RAI14: variants seen among roughly 807,000 people sequenced by gnomAD.
The protein encoded by RAI14 is retinoic acid induced 14.
In RAI14, 45 loss-of-function variants were observed where a neutral mutation model predicts 115.4. The observed-to-expected ratio is 0.39, with a 90% CI of 0.31 to 0.50. The LOEUF is 0.50. Among genes scored for constraint, RAI14 ranks in the 20% least tolerant of loss-of-function variants. RAI14 has a pLI of 0.85. For missense variants in RAI14, 939 were observed against 1,131.2 expected (o/e 0.83, Z 2.44); for synonymous variants, 371 against 415.4 (o/e 0.89, Z 1.30).
chr5:34,677,849 A>G (rs1227839585), intron 1 of RAI14, among the ~76,000 whole-genome samples: 1 of 152,196 alleles, frequency 6.6e-6, no homozygotes, highest in East Asian at 1.9e-4. Context: ...TGAAAAAGTA[A>G]TCGTGGTTTT....
At chr5:34,705,839 G>T (rs1740642642) in intron 2 of RAI14, among the ~76,000 whole-genome samples, 1 of 152,142 alleles carries the variant, frequency 6.6e-6, no homozygotes, top group Admixed American at 6.5e-5. Flanking sequence ...TAGAGATGGG[G>T]TTTCTCCATG....
At chr5:34,697,084 T>C (rs1739340327) in intron 2 of RAI14, among the ~76,000 whole-genome samples, 1 of 151,784 alleles carries the variant, frequency 6.6e-6, no homozygotes, top group African/African-American at 2.4e-5. Context: ...TGAGCTGAGA[T>C]TGTGCCACTG....
chr5:34,785,343 A>G (rs1362021863), intron 3 of RAI14, among the ~76,000 whole-genome samples: 1 of 152,134 alleles, frequency 6.6e-6, no homozygotes, highest in Non-Finnish European at 1.5e-5. Flanking sequence ...GTCCCATACC[A>G]GGGACATACC....
chr5:34,673,324 G>T (rs971979131), intron 1 of RAI14, among the ~76,000 whole-genome samples: 2 of 152,188 alleles, frequency 1.3e-5, no homozygotes, highest in Non-Finnish European at 2.9e-5. Context: ...GGGCAATGGG[G>T]CAGGACAGAT....
intron 2 of RAI14, among the ~76,000 whole-genome samples, chr5:34,740,000 C>T (rs1181038914): frequency 6.6e-6 from 1 of 152,118 alleles, no homozygotes; most frequent in East Asian, 1.9e-4. Flanking sequence ...TTGCAGTGAG[C>T]TGAGGTCGCA....
rs1342061748 is a variant in RAI14 at position 34,665,096 on chromosome 5, T to C, written c.-49+8621T>C. Among the ~76,000 whole-genome samples, 12 of 42,822 alleles carry C rather than the reference T, an allele frequency of 2.8e-4. 2 individuals carry two copies. The highest frequency in any genetic ancestry group is 8.5e-4 in the African/African-American group (12 of 14,056). The allele number at this position is 42,822 out of a possible 152,430, so 28.1% of individuals were successfully genotyped here. Reference sequence around the variant, plus strand: ...ATATATATGTGTATATATATGTGTATATATATGTGTATATATATGTGTATA... The same window carrying C: ...ATATATATGTGTATATATATGTGTACATATATGTGTATATATATGTGTATA... On this transcript the variant is annotated intron_variant, in intron 1 of 17. Transcript: ENST00000265109.
chr5:34,688,368 T>A, intron 2 of RAI14: 1 of 1,022,826 alleles, frequency 9.8e-7, no homozygotes, highest in Non-Finnish European at 1.4e-6. Context: ...TTACATAGGT[T>A]AAGATTATTT....
At chr5:34,705,100 A>G (rs746849988) in intron 2 of RAI14, among the ~76,000 whole-genome samples, 20 of 152,190 alleles carry the variant, frequency 1.3e-4, no homozygotes, top group Non-Finnish European at 2.2e-4. Flanking sequence ...GGCTAATTTT[A>G]TTTATTTTCA....
intron 10 of RAI14, among the ~76,000 whole-genome samples, 195 bp downstream of exon 10, chr5:34,812,403 C>G (rs939300447): frequency 1.3e-5 from 2 of 152,166 alleles, no homozygotes; most frequent in African/African-American, 2.4e-5. Context: ...CGGTGGCTCA[C>G]GCCTGTAATC....
At chr5:34,702,679 A>C (rs1740223576) in intron 2 of RAI14, among the ~76,000 whole-genome samples, 1 of 152,196 alleles carries the variant, frequency 6.6e-6, no homozygotes, top group Admixed American at 6.5e-5. Flanking sequence ...AATTTTGGAC[A>C]CACTTAAGGA....
At chr5:34,726,994 A>C (rs1743551974) in intron 2 of RAI14, among the ~76,000 whole-genome samples, 2 of 152,204 alleles carry the variant, frequency 1.3e-5, no homozygotes, top group Admixed American at 1.3e-4. Context: ...GTGACTTGGG[A>C]GCTGGGTAAC....
At chr5:34,747,371 G>A (rs182276934) in intron 2 of RAI14, among the ~76,000 whole-genome samples, 80 of 152,292 alleles carry the variant, frequency 5.3e-4, no homozygotes, top group African/African-American at 1.7e-3. Context: ...GGCTTTCATA[G>A]GACTGAGTCC....
chr5:34,695,606 A>AT (rs1247603179), intron 2 of RAI14, among the ~76,000 whole-genome samples: 1 of 152,208 alleles, frequency 6.6e-6, no homozygotes, highest in Admixed American at 6.5e-5. Flanking sequence ...TATCATAATA[A>AT]TTTTTTATAA....
At chr5:34,659,851 A>T (rs2149837605) in intron 1 of RAI14, among the ~76,000 whole-genome samples, 1 of 152,174 alleles carries the variant, frequency 6.6e-6, no homozygotes, top group East Asian at 1.9e-4. Flanking sequence ...AGTTGGCTGG[A>T]TTATTTTTTT....
At chr5:34,687,574 C>T in intron 2 of RAI14, 1 of 1,455,142 alleles carries the variant, frequency 6.9e-7, no homozygotes, top group Non-Finnish European at 9.1e-7. Context: ...AAAAACATAG[C>T]AGAGGGGTTG....
At chr5:34,685,243 A>G (rs1246067015) in intron 1 of RAI14, among the ~76,000 whole-genome samples, 1 of 152,164 alleles carries the variant, frequency 6.6e-6, no homozygotes, top group Non-Finnish European at 1.5e-5. Context: ...AAAAAAAGAT[A>G]AAGTCTATAC....
At chr5:34,753,803 A>G (rs1747482352) in intron 2 of RAI14, among the ~76,000 whole-genome samples, 1 of 151,876 alleles carries the variant, frequency 6.6e-6, no homozygotes, top group Non-Finnish European at 1.5e-5. Context: ...AGTCCCAGCT[A>G]CTCGGGAGGC....
At chr5:34,692,611 CT>C (rs572243576) in intron 2 of RAI14, among the ~76,000 whole-genome samples, 3,106 of 144,016 alleles carry the variant, frequency 0.022, 68 homozygotes, top group African/African-American at 0.048. Flanking sequence ...TAAGCTAAGC[CT>C]TTTTTTTTTT....
chr5:34,802,819 C>T (rs550004498), intron 4 of RAI14, among the ~76,000 whole-genome samples: 2 of 152,162 alleles, frequency 1.3e-5, no homozygotes, highest in African/African-American at 2.4e-5. Context: ...GAATTTGAAA[C>T]GAGAAAGTCA....
Sources: allele counts gnomAD v4.1 joint callset (sites outside exome capture counted in the v4.1 genomes callset), GRCh38; gene constraint gnomAD v4.1.1; transcripts MANE v1.5; gene names NCBI Gene and HGNC (gene_info 2026-07-23, HGNC 2026-07-21).